POU2F2: variants seen among roughly 807,000 people sequenced by gnomAD.
POU2F2 encodes the protein POU class 2 homeobox 2.
Under a neutral mutation model 63.5 loss-of-function variants are expected in POU2F2, and 14 were observed. The observed-to-expected ratio is 0.22, with a 90% CI of 0.15 to 0.34. POU2F2 has a LOEUF of 0.34. POU2F2 is among the 10% of genes least tolerant of loss of function. The pLI is 1.00. For synonymous variants in POU2F2, 306 were observed against 348.6 expected, an observed-to-expected ratio of 0.88 and a Z score of 1.36; for missense variants, 607 against 815.2, an observed-to-expected ratio of 0.74 and a Z score of 3.11.
Position 42,117,648 on chromosome 19 carries a change from C to T in POU2F2, c.187-216G>A, listed in dbSNP as rs2032094976. Among the ~76,000 whole-genome samples, 1 of 152,122 alleles carries T rather than the reference C, an allele frequency of 6.6e-6. No homozygotes were observed. Among genetic ancestry groups the T allele is most frequent in the South Asian group, 2.1e-4 (1 of 4,822 alleles). The stretch of plus-strand genomic sequence containing the variant: ...CTACAGAAGTCGCCTTTGCAGAGCA[C>T]TTTTCCCCTCCTGAGAGTCAGTTTT... On this transcript the variant is annotated intron_variant, in intron 4 of 14. Transcript: ENST00000692977. The surrounding 1 kb of genome is among the most constrained non-coding windows in gnomAD (Gnocchi z 4.4).
chr19:42,182,904 A>T (rs969188870), intron 1 of POU2F2, among the ~76,000 whole-genome samples: 4 of 152,088 alleles, frequency 2.6e-5, no homozygotes, highest in Admixed American at 2.6e-4. Context: ...CAGGCAATGG[A>T]GCAGGGCCCT....
At chr19:42,094,000 CT>C in intron 11 of POU2F2, 105 bp from the exon 12 acceptor site, 1 of 906,762 alleles carries the variant, frequency 1.1e-6, no homozygotes, top group Middle Eastern at 2.3e-4. Context: ...GGGCAGGGGG[CT>C]TTGGCACAAT....
rs1303590446 is a variant in POU2F2, at chr19:42,117,797, T to C, written c.187-365A>G. ...GAGTTTGAAACCAGCCTGGCCAACA[T>C]GGTGAAACCCCATTTCTGAAAAAAA... On this transcript the variant is annotated intron_variant, in intron 4 of 14. Transcript: ENST00000692977. The surrounding 1 kb of genome is among the most constrained non-coding windows in gnomAD (Gnocchi z 4.4). Among the ~76,000 whole-genome samples, 2 of 150,920 alleles carry C rather than the reference T, an allele frequency of 1.3e-5. No individual in the cohort carries two copies. Among genetic ancestry groups the C allele is most frequent in the East Asian group, 1.9e-4 (1 of 5,144 alleles).
At chr19:42,097,485 T>C (rs2076966934) in intron 7 of POU2F2, among the ~76,000 whole-genome samples, 1 of 150,792 alleles carries the variant, frequency 6.6e-6, no homozygotes, top group South Asian at 2.1e-4. Flanking sequence ...GGGTGACCAC[T>C]GCGCCCTGCC....
intron 2 of POU2F2, among the ~76,000 whole-genome samples, chr19:42,147,948 A>G (rs2034265336): frequency 6.6e-6 from 1 of 152,188 alleles, no homozygotes; most frequent in African/African-American, 2.4e-5. Flanking sequence ...AATAAGGCTC[A>G]GACAGGAGAA....
At chr19:42,109,501 G>A (rs1418559906) in intron 5 of POU2F2, among the ~76,000 whole-genome samples, 1 of 152,186 alleles carries the variant, frequency 6.6e-6, no homozygotes, top group Admixed American at 6.5e-5. Context: ...GAGGAAGGGA[G>A]GATGGATGGG....
intron 1 of POU2F2, among the ~76,000 whole-genome samples, chr19:42,187,621 G>A (rs1477968235): frequency 8.6e-5 from 13 of 151,902 alleles, no homozygotes; most frequent in Admixed American, 8.5e-4. Flanking sequence ...AATTAGCTGG[G>A]CATGGTGGTG....
rs1555730720 is a variant in POU2F2 at position 42,146,046 on chromosome 19, A to AAG, written c.-9+14285_-9+14286insCT. ...AGACTCCGTCTCAAAAAAAAAAAAA[A>AAG]AAAAAAGAAAAAAAAGAGTTCTGCT... is the stretch of plus-strand genomic sequence containing the variant. On this transcript the variant is annotated intron_variant, in intron 2 of 6. Coordinates refer to the POU2F2 transcript ENST00000524801. Among the ~76,000 whole-genome samples, 717 of 150,686 alleles carry AAG rather than the reference A, an allele frequency of 4.8e-3. 11 individuals carry two copies. Among genetic ancestry groups the AAG allele is most frequent in the Admixed American group, 9.2e-3 (138 of 15,072 alleles).
chr19:42,158,534 G>A (rs2034497769), intron 2 of POU2F2, among the ~76,000 whole-genome samples: 1 of 152,150 alleles, frequency 6.6e-6, no homozygotes, highest in African/African-American at 2.4e-5. Flanking sequence ...CTTGTAACAG[G>A]TGCCAACACC....
chr19:42,100,138 C>T (rs1294519111), intron 5 of POU2F2, among the ~76,000 whole-genome samples: 1 of 121,716 alleles, frequency 8.2e-6, no homozygotes, highest in Non-Finnish European at 1.6e-5. Flanking sequence ...GTCGCCCAGG[C>T]TGGAGTGCAG....
At chr19:42,188,392 C>T (rs1318290665) in intron 1 of POU2F2, among the ~76,000 whole-genome samples, 7 of 151,234 alleles carry the variant, frequency 4.6e-5, no homozygotes, top group Admixed American at 1.3e-4. Flanking sequence ...AAAAAAGGGC[C>T]GGGTGCAGAG....
intron 2 of POU2F2, among the ~76,000 whole-genome samples, chr19:42,148,379 A>G (rs1261634988): frequency 2.6e-5 from 4 of 152,224 alleles, no homozygotes; most frequent in Non-Finnish European, 5.9e-5. Flanking sequence ...AGCATATAGC[A>G]TGTGGGTAAA....
chr19:42,136,729 A>G (rs1444226090), upstream of POU2F2: 1 of 152,208 alleles, frequency 6.6e-6, no homozygotes, highest in Non-Finnish European at 1.5e-5. Flanking sequence ...AATGCTCCCC[A>G]TCCTTCAGGA....
chr19:42,168,617 C>T lies in POU2F2; in HGVS notation c.-70+7346G>A, dbSNP rs552341821. 5.9e-5 allele frequency among the ~76,000 whole-genome samples: 9 copies of T among 152,322 alleles called. No homozygotes were observed. The South Asian group carries it at 1.9e-3, about 32-fold the overall frequency. ...CCCAGAATGCTTTGTGCACCTCATC[C>T]AGAGCCCAGAATCTGGGCCCCAGGT... On this transcript the variant is annotated intron_variant, in intron 1 of 6. Coordinates refer to the POU2F2 transcript ENST00000524801.
intron 11 of POU2F2, 96 bp from the exon 12 acceptor site, chr19:42,093,991 G>C: frequency 9.7e-7 from 1 of 1,030,702 alleles, no homozygotes; most frequent in African/African-American, 1.6e-5. Flanking sequence ...CCAGGATGGG[G>C]GCAGGGGGCT....
At chr19:42,129,426 C>G (rs746473431) in intron 1 of POU2F2, among the ~76,000 whole-genome samples, 2 of 152,132 alleles carry the variant, frequency 1.3e-5, no homozygotes, top group Non-Finnish European at 2.9e-5. Flanking sequence ...AGGCCTGGGA[C>G]TCTTGGTCCT....
At chr19:42,123,947 C>A (rs1156701177) in intron 1 of POU2F2, among the ~76,000 whole-genome samples, 1 of 152,114 alleles carries the variant, frequency 6.6e-6, no homozygotes, top group Non-Finnish European at 1.5e-5. Context: ...CTGCCTAAAC[C>A]ATGACCCCAC....
At chr19:42,132,502 G>T, upstream of POU2F2, 1 of 1,283,868 alleles carries the variant, frequency 7.8e-7, no homozygotes. Flanking sequence ...GTCACTCAGG[G>T]AGGAAACCAC....
At chr19:42,182,304 T>A (rs1599727595) in intron 1 of POU2F2, among the ~76,000 whole-genome samples, 1 of 148,750 alleles carries the variant, frequency 6.7e-6, no homozygotes, top group African/African-American at 2.5e-5. Context: ...ACTGGATGTA[T>A]GGAAGGAAGG....
Sources: gnomAD v4.1 joint callset for allele counts (sites outside exome capture counted in the v4.1 genomes callset) on GRCh38, gnomAD v4.1.1 for gene constraint, Gnocchi (gnomAD v3.1) non-coding constraint, MANE v1.5 for transcripts, NCBI Gene and HGNC (gene_info 2026-07-23, HGNC 2026-07-21) for gene names.